QTMAN: variants seen among roughly 807,000 people sequenced by gnomAD.
The protein encoded by QTMAN is tRNA-queuosine alpha-mannosyltransferase.
chr2:144,328,098 G>A, the QTMAN span, among the ~76,000 whole-genome samples: 22 of 152,128 alleles, frequency 1.4e-4, no homozygotes, highest in African/African-American at 3.6e-4. Context: ...ATGCAGGCAC[G>A]TGCCACCATG....
chr2:144,095,597 T>C, the QTMAN span, among the ~76,000 whole-genome samples: 3 of 152,280 alleles, frequency 2.0e-5, no homozygotes, highest in Non-Finnish European at 2.9e-5. Flanking sequence ...TCAGAAAAAT[T>C]AGGTATAATA....
the QTMAN span, among the ~76,000 whole-genome samples, chr2:144,320,110 T>C: frequency 1.3e-5 from 2 of 152,208 alleles, no homozygotes; most frequent in African/African-American, 4.8e-5. Flanking sequence ...TTTTGTGACA[T>C]GTGAAGATTA....
the QTMAN span, among the ~76,000 whole-genome samples, chr2:144,097,181 A>C: frequency 6.6e-6 from 1 of 152,254 alleles, no homozygotes; most frequent in African/African-American, 2.4e-5. Flanking sequence ...TTCTATGCTC[A>C]CAGGATTTTC....
the QTMAN span, among the ~76,000 whole-genome samples, chr2:144,098,706 C>A: frequency 5.3e-5 from 8 of 150,062 alleles, no homozygotes; most frequent in East Asian, 2.0e-4. Flanking sequence ...CAGAGCAAGA[C>A]TCTGTCTCAA....
At chr2:144,186,340 C>T in the QTMAN span, among the ~76,000 whole-genome samples, 23 of 152,254 alleles carry the variant, frequency 1.5e-4, no homozygotes, top group East Asian at 3.9e-3. Flanking sequence ...TGAAGAGCCA[C>T]AAGTTCAAAG....
chr2:144,155,443 T>G, the QTMAN span, among the ~76,000 whole-genome samples: 1 of 152,224 alleles, frequency 6.6e-6, no homozygotes. Flanking sequence ...AATTAGTATG[T>G]GAAATATTTA....
the QTMAN span, among the ~76,000 whole-genome samples, chr2:144,157,621 G>A: frequency 6.6e-6 from 1 of 151,984 alleles, no homozygotes; most frequent in Non-Finnish European, 1.5e-5. Flanking sequence ...TGAGCAGAAT[G>A]TCCAATTATT....
At chr2:144,302,947 C>T in the QTMAN span, among the ~76,000 whole-genome samples, 1 of 152,016 alleles carries the variant, frequency 6.6e-6, no homozygotes, top group African/African-American at 2.4e-5. Context: ...ACTAAAAATA[C>T]AAAAATTAGC....
the QTMAN span, among the ~76,000 whole-genome samples, chr2:144,224,373 C>T: frequency 5.9e-5 from 9 of 152,140 alleles, no homozygotes; most frequent in Non-Finnish European, 8.8e-5. Context: ...ACTTATTGTG[C>T]CTACTAAGTG....
the QTMAN span, among the ~76,000 whole-genome samples, chr2:143,985,759 A>C: frequency 6.6e-6 from 1 of 152,198 alleles, no homozygotes; most frequent in Non-Finnish European, 1.5e-5. Flanking sequence ...GTATGTATTT[A>C]AGGAGCAGAA....
At chr2:144,227,375 C>CT in the QTMAN span, among the ~76,000 whole-genome samples, 5 of 152,050 alleles carry the variant, frequency 3.3e-5, no homozygotes, top group Admixed American at 3.3e-4. Flanking sequence ...GAGGACTTAC[C>CT]TTTTTTTCAA....
the QTMAN span, among the ~76,000 whole-genome samples, chr2:144,063,565 TA>T: frequency 6.6e-6 from 1 of 152,214 alleles, no homozygotes; most frequent in Non-Finnish European, 1.5e-5. Flanking sequence ...TTATGTTGCT[TA>T]AAAAATTGTT....
chr2:143,991,687 G>C, the QTMAN span, among the ~76,000 whole-genome samples: 80 of 137,732 alleles, frequency 5.8e-4, 1 homozygote, highest in African/African-American at 2.1e-3. Flanking sequence ...GGAGGGAGGT[G>C]GGGGGTCAGC....
the QTMAN span, among the ~76,000 whole-genome samples, chr2:144,059,665 T>C: frequency 6.6e-6 from 1 of 152,184 alleles, no homozygotes; most frequent in Non-Finnish European, 1.5e-5. Context: ...GGCTTCCTAT[T>C]GAACTCAGAA....
At chr2:144,306,933 G>T in the QTMAN span, among the ~76,000 whole-genome samples, 1 of 151,458 alleles carries the variant, frequency 6.6e-6, no homozygotes, top group South Asian at 2.1e-4. Flanking sequence ...AGGCTGAGGC[G>T]GGTGGATCAC....
At chr2:144,156,531 GCTAAATCC>G in the QTMAN span, among the ~76,000 whole-genome samples, 1 of 152,034 alleles carries the variant, frequency 6.6e-6, no homozygotes, top group Non-Finnish European at 1.5e-5. Context: ...ACACTGATTT[GCTAAATCC>G]TGTGTGTGAG....
chr2:144,146,120 TAC>T, the QTMAN span, among the ~76,000 whole-genome samples: 2 of 149,754 alleles, frequency 1.3e-5, no homozygotes, highest in African/African-American at 4.9e-5. Context: ...CCAGTTTCAT[TAC>T]ACTTTCCTTC....
chr2:144,243,202 T>C, the QTMAN span, among the ~76,000 whole-genome samples: 928 of 152,258 alleles, frequency 6.1e-3, 8 homozygotes, highest in African/African-American at 0.021. Flanking sequence ...ATTCTACCTA[T>C]GTATTGAGGA....
the QTMAN span, among the ~76,000 whole-genome samples, chr2:144,192,490 C>T: frequency 1.6e-3 from 247 of 152,258 alleles, no homozygotes; most frequent in Middle Eastern, 0.01. Flanking sequence ...GGTTAGGTAT[C>T]ACCTGCTGCA....
Sources: gnomAD v4.1 joint callset for allele counts (sites outside exome capture counted in the v4.1 genomes callset) on GRCh38, gnomAD v4.1.1 for gene constraint, MANE v1.5 for transcripts, NCBI Gene and HGNC (gene_info 2026-07-23, HGNC 2026-07-21) for gene names.